Variants in STK3 observed in about 807,000 individuals in gnomAD.
STK3 encodes serine/threonine-protein kinase 3.
Under a neutral mutation model 58.0 loss-of-function variants are expected in STK3, and 41 were observed. The observed-to-expected ratio is 0.71, with a 90% CI of 0.55 to 0.92. The LOEUF (loss-of-function observed/expected upper bound fraction) is 0.92, where lower values mean the gene tolerates loss of function less well. Ranked by LOEUF, STK3 falls within the 40% of genes least tolerant of loss-of-function variation. STK3 has a pLI of 0.00. For synonymous variants in STK3, 170 were observed against 191.0 expected (o/e 0.89, Z 0.91); for missense variants, 479 against 602.7 (o/e 0.79, Z 2.15).
chr8:98,427,886 G>A (rs1818260632), intron 3 of STK3: 1 of 1,110,410 alleles, frequency 9.0e-7, no homozygotes, highest in Non-Finnish European at 1.3e-6. Flanking sequence ...GGGAGAGGGG[G>A]CCCCGCCAGG....
chr8:98,709,314 T>C (rs563002550), intron 4 of STK3, among the ~76,000 whole-genome samples: 3 of 152,136 alleles, frequency 2.0e-5, no homozygotes, highest in Non-Finnish European at 2.9e-5. Context: ...GTCTAAATGA[T>C]ATAATGGGGC....
the STK3 span, among the ~76,000 whole-genome samples, chr8:98,350,220 G>A: frequency 3.9e-5 from 6 of 152,000 alleles, no homozygotes; most frequent in African/African-American, 1.2e-4. Context: ...CAAATCTCTA[G>A]GGCAGGGGCA....
At chr8:98,892,497 C>A (rs539798972) in intron 1 of STK3, among the ~76,000 whole-genome samples, 1 of 152,294 alleles carries the variant, frequency 6.6e-6, no homozygotes, top group Non-Finnish European at 1.5e-5. Context: ...TATGCTCTGG[C>A]CATGGCTGAC....
At chr8:98,415,108 C>G (rs1047805493) in intron 3 of STK3, among the ~76,000 whole-genome samples, 4 of 152,174 alleles carry the variant, frequency 2.6e-5, no homozygotes, top group African/African-American at 4.8e-5. Context: ...TGAGTTCACT[C>G]TCTTCCACCC....
chr8:98,486,241 A>G (rs1288643077), intron 10 of STK3, among the ~76,000 whole-genome samples: 1 of 152,194 alleles, frequency 6.6e-6, no homozygotes. Flanking sequence ...AAAATACAGA[A>G]AGTTGTCTAG....
chr8:98,847,272 T>C (rs1327759560), intron 3 of STK3, among the ~76,000 whole-genome samples: 3 of 152,172 alleles, frequency 2.0e-5, no homozygotes, highest in Non-Finnish European at 4.4e-5. Flanking sequence ...AAACCTCTTA[T>C]TTGAAAACTG....
At chr8:98,412,944 AG>A in intron 3 of STK3, 1 of 269,118 alleles carries the variant, frequency 3.7e-6, no homozygotes, top group South Asian at 4.0e-5. Context: ...TTTCACCATC[AG>A]GCACTGGAGC....
At chr8:98,384,880 A>T (rs1387907747) in intron 1 of STK3, among the ~76,000 whole-genome samples, 1 of 152,092 alleles carries the variant, frequency 6.6e-6, no homozygotes, top group East Asian at 1.9e-4. Flanking sequence ...TCCACCTCTC[A>T]TCACGTCATA....
intron 1 of STK3, among the ~76,000 whole-genome samples, chr8:98,884,924 A>G (rs998145243): frequency 2.0e-5 from 3 of 152,246 alleles, no homozygotes; most frequent in African/African-American, 7.2e-5. Flanking sequence ...GCTGGGAACC[A>G]TTGTTAAGAG....
chr8:98,510,541 C>A (rs1824434692), intron 10 of STK3, among the ~76,000 whole-genome samples: 1 of 151,824 alleles, frequency 6.6e-6, no homozygotes. Flanking sequence ...AACTAGTATC[C>A]TTTTCCACTA....
intron 4 of STK3, among the ~76,000 whole-genome samples, chr8:98,744,238 C>A (rs1452347584): frequency 6.6e-6 from 1 of 152,100 alleles, no homozygotes. Flanking sequence ...TGGGTATATA[C>A]CCAAAGGACT....
chr8:98,904,801 T>C (rs1838825077), intron 1 of STK3: 1 of 663,326 alleles, frequency 1.5e-6, no homozygotes, highest in African/African-American at 1.8e-5. Flanking sequence ...GCGGCAGCCA[T>C]AGTAGCTGAA....
chr8:98,482,453 A>G (rs1219477309), intron 10 of STK3, among the ~76,000 whole-genome samples: 1 of 152,226 alleles, frequency 6.6e-6, no homozygotes, highest in African/African-American at 2.4e-5. Flanking sequence ...TATAAAATAC[A>G]ATTTGTAAAT....
chr8:98,624,568 T>C (rs1818570409), intron 6 of STK3, among the ~76,000 whole-genome samples: 1 of 152,104 alleles, frequency 6.6e-6, no homozygotes, highest in African/African-American at 2.4e-5. Flanking sequence ...AGAAAGTGGT[T>C]CAGCCGGGTG....
At chr8:98,571,851 T>C (rs1179562741) in intron 8 of STK3, among the ~76,000 whole-genome samples, 1 of 152,212 alleles carries the variant, frequency 6.6e-6, no homozygotes, top group African/African-American at 2.4e-5. Context: ...TTTAACTCCT[T>C]GTATTTTACT....
intron 10 of STK3, among the ~76,000 whole-genome samples, chr8:98,468,065 C>G (rs1323694263): frequency 1.3e-5 from 2 of 152,298 alleles, no homozygotes; most frequent in African/African-American, 4.8e-5. Flanking sequence ...GAAGCAACAT[C>G]TAGAAATAAA....
chr8:98,856,453 A>G (rs2131841221), intron 3 of STK3, among the ~76,000 whole-genome samples: 1 of 152,364 alleles, frequency 6.6e-6, no homozygotes, highest in Admixed American at 6.5e-5. Flanking sequence ...CACATGAAAA[A>G]ATGGTTGACA....
chr8:98,648,442 T>C (rs1259105958), intron 6 of STK3, among the ~76,000 whole-genome samples: 2 of 152,224 alleles, frequency 1.3e-5, no homozygotes, highest in Non-Finnish European at 2.9e-5. Context: ...CCTTACATAT[T>C]TATGCTTTTA....
chr8:98,633,526 G>T, intron 6 of STK3: 1 of 696,242 alleles, frequency 1.4e-6, no homozygotes, highest in Non-Finnish European at 2.7e-6. Flanking sequence ...AGGACTGAGT[G>T]CAAGTAACAG....
Sources: gnomAD v4.1 joint callset for allele counts (sites outside exome capture counted in the v4.1 genomes callset) on GRCh38, gnomAD v4.1.1 for gene constraint, MANE v1.5 for transcripts, NCBI Gene and HGNC (gene_info 2026-07-23, HGNC 2026-07-21) for gene names.